Variants in DMXL1 observed in about 807,000 individuals in gnomAD.
The protein encoded by DMXL1 is Dmx like 1.
DMXL1 carries 99 observed loss-of-function variants against 319.2 expected under a neutral mutation model. The ratio of observed to expected loss-of-function variants is 0.31; its 90% CI spans 0.26 to 0.37. The LOEUF is 0.37. Ranked by LOEUF, DMXL1 falls within the 10% of genes least tolerant of loss-of-function variation. The pLI is 1.00. For missense variants in DMXL1, 3,745 were observed against 3,595.6 expected (o/e 1.04, Z -1.06); for synonymous variants, 1,385 against 1,235.2 (o/e 1.12, Z -2.54).
chr5:119,099,193 G>T (rs563520647), intron 2 of DMXL1, among the ~76,000 whole-genome samples: 1,269 of 45,074 alleles, frequency 0.028, 6 homozygotes, highest in Non-Finnish European at 0.038. Flanking sequence ...TTTGTTTTTT[G>T]TTTGTTTTTG....
At chr5:119,201,881 G>A (rs1780770476) in intron 32 of DMXL1, among the ~76,000 whole-genome samples, 1 of 151,962 alleles carries the variant, frequency 6.6e-6, no homozygotes, top group South Asian at 2.1e-4. Context: ...AGTTTCTGAT[G>A]GTTATTTTTA....
At chr5:119,240,633 G>A (rs1194323055) in intron 42 of DMXL1, among the ~76,000 whole-genome samples, 162 bp downstream of exon 42, 2 of 152,056 alleles carry the variant, frequency 1.3e-5, no homozygotes, top group African/African-American at 2.4e-5. Context: ...TGCAATATAC[G>A]TAATTAACTC....
intron 28 of DMXL1, among the ~76,000 whole-genome samples, chr5:119,185,250 A>T (rs537996902): frequency 3.5e-4 from 54 of 152,204 alleles, no homozygotes; most frequent in African/African-American, 1.2e-3. Context: ...TTATCAAAAA[A>T]TAAATCTAAG....
At chr5:119,188,309 C>T (rs957340880) in intron 28 of DMXL1, among the ~76,000 whole-genome samples, 6 of 152,082 alleles carry the variant, frequency 3.9e-5, no homozygotes, top group African/African-American at 7.2e-5. Context: ...TGGCACAAGC[C>T]TGTAGTCCCA....
chr5:119,084,301 G>A (rs1752854557), intron 1 of DMXL1, among the ~76,000 whole-genome samples: 1 of 151,906 alleles, frequency 6.6e-6, no homozygotes, highest in African/African-American at 2.4e-5. Context: ...TGTATTTATA[G>A]TAGAGACGGG....
intron 1 of DMXL1, among the ~76,000 whole-genome samples, chr5:119,093,351 G>T (rs892043156): frequency 2.6e-5 from 4 of 152,032 alleles, no homozygotes; most frequent in African/African-American, 9.7e-5. Context: ...GGCCAGGCTG[G>T]TCTTGAACTC....
chr5:119,131,837 A>G (rs1343642615), intron 10 of DMXL1, among the ~76,000 whole-genome samples: 3 of 152,218 alleles, frequency 2.0e-5, no homozygotes, highest in Non-Finnish European at 4.4e-5. Context: ...TCTTATTAAT[A>G]TGAAAACTGT....
chr5:119,131,206 G>C, intron 10 of DMXL1, among the ~76,000 whole-genome samples: 1 of 147,110 alleles, frequency 6.8e-6, no homozygotes. Context: ...TTTTAAATCT[G>C]GTAAACAGTC....
chr5:119,183,484 TC>T (rs1777137934), intron 28 of DMXL1, among the ~76,000 whole-genome samples: 1 of 152,256 alleles, frequency 6.6e-6, no homozygotes, highest in South Asian at 2.1e-4. Context: ...CCTTTTCTTT[TC>T]TTTGTGAGGC....
intron 28 of DMXL1, among the ~76,000 whole-genome samples, chr5:119,182,315 C>CA (rs1776923965): frequency 6.6e-6 from 1 of 152,144 alleles, no homozygotes; most frequent in Non-Finnish European, 1.5e-5. Context: ...CCTGACTACT[C>CA]AAACGTGTCA....
intron 1 of DMXL1, among the ~76,000 whole-genome samples, chr5:119,084,719 G>T (rs7712826): frequency 0.042 from 6,347 of 151,932 alleles, 451 homozygotes; most frequent in African/African-American, 0.15. Context: ...TACAAAATTA[G>T]CCCGGCGTGG....
At chr5:119,105,405 T>G in intron 4 of DMXL1, 147 bp downstream of exon 4, 1 of 609,876 alleles carries the variant, frequency 1.6e-6, no homozygotes, top group South Asian at 2.2e-5. Flanking sequence ...TTTTAGAGTT[T>G]ATACTGAAAT....
chr5:119,149,535 T>C lies in DMXL1; in HGVS notation c.3708T>C (p.His1236=). 1.9e-6 allele frequency: 3 copies of C among 1,613,936 alleles called. No homozygotes were observed. Among genetic ancestry groups the C allele is most frequent in the Non-Finnish European group, 2.5e-6 (3 of 1,179,904 alleles). ...ILVVGMDCEM[H]VYCQWQPSSK... ...TGGTAGGAATGGACTGTGAAATGCATGTGTATTGCCAATGGCAACCATCTT... is the reference window on the plus strand; with the variant it reads ...TGGTAGGAATGGACTGTGAAATGCACGTGTATTGCCAATGGCAACCATCTT... The change falls in exon 18 of 44, where the codon CAT becomes CAC. Residue 1236 remains histidine (H), a synonymous_variant. Transcript: ENST00000539542.
intron 2 of DMXL1, among the ~76,000 whole-genome samples, chr5:119,099,284 C>T (rs979988987): frequency 1.2e-4 from 19 of 152,020 alleles, no homozygotes; most frequent in African/African-American, 4.6e-4. Flanking sequence ...AATCTCAGCT[C>T]ACTGCAGCCT....
chr5:119,213,213 G>A (rs1255384605), intron 34 of DMXL1, among the ~76,000 whole-genome samples: 1 of 152,018 alleles, frequency 6.6e-6, no homozygotes, highest in Non-Finnish European at 1.5e-5. Flanking sequence ...ACTCCCCACA[G>A]ATCAATATAT....
intron 28 of DMXL1, chr5:119,178,755 G>A (rs1487149319): frequency 3.6e-6 from 2 of 557,336 alleles, no homozygotes; most frequent in African/African-American, 4.1e-5. Context: ...TGAGGGGTTG[G>A]GGTACAGTGG....
At chr5:119,173,690 G>GTGTGTGTATATATA (rs1775079886) in intron 25 of DMXL1, among the ~76,000 whole-genome samples, 2 of 113,746 alleles carry the variant, frequency 1.8e-5, no homozygotes, top group East Asian at 8.5e-4. Context: ...GTGTGTGTGT[G>GTGTGTGTATATATA]TGTGTGTGTA....
chr5:119,115,914 G>GTAATTA (rs1760740426), intron 6 of DMXL1, among the ~76,000 whole-genome samples: 1 of 151,934 alleles, frequency 6.6e-6, no homozygotes, highest in Non-Finnish European at 1.5e-5. Flanking sequence ...CCTTACTCTA[G>GTAATTA]TAATTAGCAA....
chr5:119,243,905 T>A (rs907581203), intron 42 of DMXL1, among the ~76,000 whole-genome samples: 5 of 152,248 alleles, frequency 3.3e-5, no homozygotes, highest in Non-Finnish European at 7.3e-5. Flanking sequence ...TGCCTATTAT[T>A]TTTGTATTCT....
Sources: gnomAD v4.1 joint callset for allele counts (sites outside exome capture counted in the v4.1 genomes callset) on GRCh38, gnomAD v4.1.1 for gene constraint, MANE v1.5 for transcripts, NCBI Gene and HGNC (gene_info 2026-07-23, HGNC 2026-07-21) for gene names.